The following ROCK1 variants were observed in gnomAD, a reference collection of about 807,000 sequenced individuals.
The protein encoded by ROCK1 is Rho associated coiled-coil containing protein kinase 1.
In ROCK1, 36 loss-of-function variants were observed where a neutral mutation model predicts 196.8. The ratio of observed to expected loss-of-function variants is 0.18; its 90% confidence interval spans 0.14 to 0.24. The LOEUF (loss-of-function observed/expected upper bound fraction) is 0.24. Ranked by LOEUF, ROCK1 falls within the 10% of genes least tolerant of loss-of-function variation. The pLI is 1.00. For synonymous variants in ROCK1, 443 were observed against 515.9 expected (o/e 0.86, Z 1.91); for missense variants, 920 against 1,562.0 (o/e 0.59, Z 6.93).
chr18:20,994,749 ATAGTT>A (rs1487570844), intron 16 of ROCK1, among the ~76,000 whole-genome samples: 1 of 152,190 alleles, frequency 6.6e-6, no homozygotes, highest in East Asian at 1.9e-4. Context: ...CAAATTAAGT[ATAGTT>A]TATTTTCCTC....
At chr18:21,106,916 G>A (rs768313806) in intron 1 of ROCK1, among the ~76,000 whole-genome samples, 7 of 152,166 alleles carry the variant, frequency 4.6e-5, no homozygotes, top group Non-Finnish European at 1.0e-4. Context: ...AACTACTGCA[G>A]GTTGAGTATC....
rs768390857 is a variant in ROCK1, at chr18:20,968,870, AAT to A, written c.2915-12_2915-11del. The A allele has an allele frequency of 6.8e-7, 1 of 1,472,350 alleles. No individual in the cohort carries two copies. The highest frequency in any genetic ancestry group is 9.5e-7 in the Non-Finnish European group (1 of 1,052,212). 91.2% of individuals were successfully genotyped at this position (1,472,350 alleles called of 1,614,324 possible). ...TTCTCCAGTTTATATTCTGTCAACA[AAT>A]TATATTAAATGTTATTGTATGGTAT... On this transcript the variant is annotated splice_polypyrimidine_tract_variant and intron_variant, in intron 24 of 32. Transcript: ENST00000399799.
chr18:21,102,171 A>G (rs2036664496), intron 1 of ROCK1, among the ~76,000 whole-genome samples: 1 of 152,188 alleles, frequency 6.6e-6, no homozygotes, highest in Admixed American at 6.5e-5. Context: ...TGCAAATCCT[A>G]AGAATCATCC....
At chr18:20,981,250 T>G (rs2035530106) in intron 21 of ROCK1, among the ~76,000 whole-genome samples, 2 of 151,774 alleles carry the variant, frequency 1.3e-5, no homozygotes, top group South Asian at 4.2e-4. Context: ...AAAAATTAGC[T>G]AGGCATGGTG....
chr18:21,002,319 T>G (rs1359059647), intron 16 of ROCK1, among the ~76,000 whole-genome samples: 3 of 152,198 alleles, frequency 2.0e-5, no homozygotes, highest in Non-Finnish European at 4.4e-5. Flanking sequence ...CTAAAACTAC[T>G]AGGGTAGTGT....
At chr18:20,958,883 AT>A (rs1433025812) in intron 29 of ROCK1, among the ~76,000 whole-genome samples, 12 of 51,030 alleles carry the variant, frequency 2.4e-4, no homozygotes, top group Non-Finnish European at 3.2e-4. Flanking sequence ...ATATATATAA[AT>A]ATATATATTT....
intron 27 of ROCK1, 113 bp from the exon 28 acceptor site, chr18:20,960,319 T>G (rs1294344147): frequency 4.5e-6 from 3 of 666,004 alleles, no homozygotes; most frequent in Non-Finnish European, 8.0e-6. Context: ...ACTAAATGAA[T>G]AAGTGCTATA....
rs563923423 is a variant in ROCK1, at chr18:20,990,077, T to A, written c.2143+1099A>T. ...GGACAACATAGTGAGACTCTTTCTC[T>A]ACCAAAAATAAATAATTTTTAAAAA... On this transcript the variant is annotated intron_variant, in intron 18 of 32. Coordinates refer to ENST00000399799, the MANE Select transcript of ROCK1 (RefSeq NM_005406.3). Among the ~76,000 whole-genome samples, 3 of 151,958 alleles carry A rather than the reference T, an allele frequency of 2.0e-5. No homozygotes were observed. In the South Asian group the frequency reaches 6.3e-4, roughly 32 times the overall value.
chr18:20,982,706 C>T (rs373189156), intron 21 of ROCK1, 57 bp downstream of exon 21: 5 of 787,682 alleles, frequency 6.3e-6, no homozygotes, highest in East Asian at 2.5e-5. Context: ...AATCTAAATA[C>T]CTTGTTTTAA....
At chr18:21,012,741 C>T (rs982784092) in intron 13 of ROCK1, among the ~76,000 whole-genome samples, 4 of 152,160 alleles carry the variant, frequency 2.6e-5, no homozygotes, top group African/African-American at 9.7e-5. Flanking sequence ...TTCTCCTCTC[C>T]TTTAGTAATT....
Position 20,991,378 on chromosome 18 carries a change from G to A in ROCK1, c.1993-52C>T, listed in dbSNP as rs750716284. 1.1e-5 allele frequency: 13 copies of A among 1,215,368 alleles called. No individual in the cohort carries two copies. The Admixed American group carries it at 3.3e-4, about 30-fold the overall frequency. 75.3% of individuals were successfully genotyped at this position (1,215,368 alleles called of 1,614,324 possible). A position where few individuals can be genotyped will look rare whatever the true frequency, so the allele number is the denominator to read the frequency against. The stretch of plus-strand genomic sequence containing the variant: ...AATAAACTGTGCAGAAGGCATGCAT[G>A]TTAGTAAATCTTACATTTAATATTC... On this transcript the variant is annotated intron_variant, in intron 17 of 32. Transcript: ENST00000399799.
At chr18:21,078,045 C>T (rs940787113) in intron 1 of ROCK1, among the ~76,000 whole-genome samples, 1 of 152,126 alleles carries the variant, frequency 6.6e-6, no homozygotes, top group Non-Finnish European at 1.5e-5. Flanking sequence ...AAAAAACAAA[C>T]TGGCCAGGCA....
intron 9 of ROCK1, among the ~76,000 whole-genome samples, chr18:21,033,756 C>T (rs1399850880): frequency 2.0e-5 from 3 of 148,134 alleles, no homozygotes; most frequent in Non-Finnish European, 4.4e-5. Flanking sequence ...CGGTGGCTCA[C>T]GCCTGTAATC....
intron 1 of ROCK1, among the ~76,000 whole-genome samples, chr18:21,094,258 TCTTTAC>T (rs1162162535): frequency 1.3e-5 from 2 of 152,214 alleles, no homozygotes; most frequent in Non-Finnish European, 2.9e-5. Context: ...TTCAACTTAA[TCTTTAC>T]CTTTAATGAG....
intron 9 of ROCK1, among the ~76,000 whole-genome samples, chr18:21,036,800 A>C (rs1365287203): frequency 1.3e-5 from 2 of 152,136 alleles, no homozygotes; most frequent in African/African-American, 4.8e-5. Context: ...TAATATGTTA[A>C]ATATGTGGTA....
chr18:21,090,505 A>G (rs546261901), intron 1 of ROCK1, among the ~76,000 whole-genome samples: 2 of 152,290 alleles, frequency 1.3e-5, no homozygotes, highest in South Asian at 4.1e-4. Context: ...ACAACACATT[A>G]TTGGCTTTTG....
At chr18:21,000,975 C>T (rs1036886437) in intron 16 of ROCK1, among the ~76,000 whole-genome samples, 1 of 152,108 alleles carries the variant, frequency 6.6e-6, no homozygotes, top group African/African-American at 2.4e-5. Context: ...TGAAGGAGTG[C>T]TATTTACAAT....
intron 21 of ROCK1, among the ~76,000 whole-genome samples, chr18:20,980,516 T>G (rs116403129): frequency 0.013 from 1,946 of 151,928 alleles, 45 homozygotes; most frequent in African/African-American, 0.044. Context: ...CTTTTTGCAG[T>G]GAAAAAAAAA....
At chr18:20,996,062 A>T (rs1200090122) in intron 16 of ROCK1, among the ~76,000 whole-genome samples, 1 of 152,334 alleles carries the variant, frequency 6.6e-6, no homozygotes, top group Non-Finnish European at 1.5e-5. Flanking sequence ...TCACCAAAGA[A>T]ACTAAATAAG....
Sources: gnomAD v4.1 joint callset for allele counts (sites outside exome capture counted in the v4.1 genomes callset) on GRCh38, gnomAD v4.1.1 for gene constraint, MANE v1.5 for transcripts, NCBI Gene and HGNC (gene_info 2026-07-23, HGNC 2026-07-21) for gene names.